Variants in STAG3 observed in about 807,000 individuals in gnomAD.
STAG3 encodes cohesin subunit SA-3.
Under a neutral mutation model 160.7 loss-of-function variants are expected in STAG3, and 101 were observed. The ratio of observed to expected loss-of-function variants is 0.63; its 90% CI spans 0.54 to 0.74. The LOEUF (loss-of-function observed/expected upper bound fraction) is 0.74, where lower values mean the gene tolerates loss of function less well. STAG3 is among the 30% of genes least tolerant of loss of function. STAG3 has a pLI of 0.00. For missense variants in STAG3, 1,188 were observed against 1,517.4 expected, an observed-to-expected ratio of 0.78 and a Z score of 3.61; for synonymous variants, 519 against 585.0, an observed-to-expected ratio of 0.89 and a Z score of 1.63.
chr7:100,198,630 C>A, intron 13 of STAG3, 48 bp downstream of exon 13: 1 of 1,557,540 alleles, frequency 6.4e-7, no homozygotes, highest in South Asian at 1.1e-5. Flanking sequence ...CTCTCGGTTT[C>A]TCTCCTCCAT....
intron 1 of STAG3, among the ~76,000 whole-genome samples, chr7:100,179,324 G>A (rs1207267253): frequency 6.7e-6 from 1 of 149,702 alleles, no homozygotes; most frequent in Non-Finnish European, 1.5e-5. Flanking sequence ...CTGGGCTCAA[G>A]CAGTCCTCCT....
chr7:100,215,210 T>G (rs1440172557), downstream of STAG3: 1 of 152,236 alleles, frequency 6.6e-6, no homozygotes, highest in Non-Finnish European at 1.5e-5. Flanking sequence ...GGCACCTGCT[T>G]TAGTGACAGG....
chr7:100,189,894 G>A (rs1167185738), intron 8 of STAG3, among the ~76,000 whole-genome samples: 2 of 151,888 alleles, frequency 1.3e-5, no homozygotes, highest in East Asian at 3.8e-4. Context: ...CTGTCATGCA[G>A]GGAATTAAGT....
intron 29 of STAG3, among the ~76,000 whole-genome samples, chr7:100,205,618 T>A (rs1584754731): frequency 6.6e-6 from 1 of 151,984 alleles, no homozygotes; most frequent in Non-Finnish European, 1.5e-5. Flanking sequence ...GCTCACGAGG[T>A]CAGGTGTTCG....
chr7:100,211,226 T>C (rs1802168747), intron 30 of STAG3, 41 bp downstream of exon 30: 1 of 1,535,068 alleles, frequency 6.5e-7, no homozygotes, highest in Non-Finnish European at 8.7e-7. Flanking sequence ...AGTTCCCAGT[T>C]TGGTGTCTGG....
intron 17 of STAG3, 30 bp downstream of exon 17, chr7:100,200,358 C>T: frequency 6.2e-7 from 1 of 1,613,076 alleles, no homozygotes; most frequent in East Asian, 2.2e-5. Context: ...CTGCATCACA[C>T]CAAGAGAAGT....
In STAG3 at chr7:100,200,288, C is replaced by T. The variant is rs1219111448; in HGVS notation, c.1730C>T (p.Thr577Ile). The T allele has an allele frequency of 4.3e-6, 7 of 1,613,718 alleles. No individual in the cohort carries two copies. The highest frequency in any genetic ancestry group is 5.1e-6 in the Non-Finnish European group (6 of 1,179,970). ...CAAGCCGATGACAGGGTGAAGTTGA[C>T]TGAGCACCTCATCCCCCTGCTGCCC... ...KTQADDRVKL[T>I]EHLIPLLPQL... The change falls in exon 17 of 34, where the codon ACT becomes ATT. Residue 577 changes from threonine (T) to isoleucine (I), a missense_variant. Transcript: ENST00000615138.
At chr7:100,188,761 T>G (rs1217520835) in intron 6 of STAG3, 51 bp from the exon 7 acceptor site, 1 of 1,588,724 alleles carries the variant, frequency 6.3e-7, no homozygotes, top group Admixed American at 1.7e-5. Context: ...CCCCTATGAC[T>G]TCATGGACCT....
Position 100,197,895 on chromosome 7 carries a change from C to A in STAG3, c.1164+19C>A. 6.2e-7 allele frequency: 1 copy of A among 1,605,824 alleles called. No homozygotes were observed. The highest frequency in any genetic ancestry group is 2.2e-5 in the East Asian group (1 of 44,838). On this transcript the variant is annotated intron_variant, in intron 11 of 33. Transcript: ENST00000615138. Reference sequence around the variant, plus strand: ...CTTCAAGGTAAAATGGGTGGTGCTCCATGGCTTGGCTCTTTGTCGTGGTTC... The same window carrying A: ...CTTCAAGGTAAAATGGGTGGTGCTCAATGGCTTGGCTCTTTGTCGTGGTTC...
At chr7:100,184,462 AG>A (rs879589006) in intron 4 of STAG3, among the ~76,000 whole-genome samples, 2 of 86,594 alleles carry the variant, frequency 2.3e-5, no homozygotes, top group Non-Finnish European at 4.5e-5. Context: ...ACAGCGTGTT[AG>A]TTTTTTTTTT....
intron 7 of STAG3, among the ~76,000 whole-genome samples, 195 bp from the exon 8 acceptor site, chr7:100,189,250 C>T (rs1169586094): frequency 6.6e-6 from 1 of 152,146 alleles, no homozygotes; most frequent in Admixed American, 6.5e-5. Context: ...TAGGGGTATG[C>T]TGATGGTTAA....
At chr7:100,188,765 T>G in intron 6 of STAG3, 47 bp from the exon 7 acceptor site, 5 of 1,594,784 alleles carry the variant, frequency 3.1e-6, no homozygotes, top group Non-Finnish European at 3.4e-6. Flanking sequence ...TATGACTTCA[T>G]GGACCTGGTA....
In STAG3 at chr7:100,198,947, T is replaced by C; in HGVS notation, c.1457T>C (p.Val486Ala). 1 of 1,612,006 alleles carries C rather than the reference T, an allele frequency of 6.2e-7. No individual in the cohort carries two copies. Among genetic ancestry groups the C allele is most frequent in the Non-Finnish European group, 8.5e-7 (1 of 1,179,870 alleles). The part of the protein sequence containing the change: ...TFFQLLLSFF[V>A]ESELHDHAAY... ...TTCCAGCTTCTGCTGTCCTTCTTTG[T>C]GGAGAGCGAGGTGACATACACAGAG... Residue 486 changes from valine to alanine, a missense_variant, in exon 14 of 34, where the codon GTG (valine) becomes GCG (alanine). This residue lies in a region of STAG3 where 240 missense variants were observed against 358.1 expected (regional missense o/e 0.67). Coordinates refer to ENST00000615138, the MANE Select transcript of STAG3 (RefSeq NM_001282717.2).
rs547481881 is a variant in STAG3, at chr7:100,179,554, A to T, written c.-64-939A>T. Among the ~76,000 whole-genome samples the T allele has an allele frequency of 1.4e-3, 207 of 151,338 alleles. 1 individual carries two copies. Among genetic ancestry groups the T allele is most frequent in the African/African-American group, 4.9e-3 (203 of 41,198 alleles). ...ATTTTTTTTTTTAAAGAAAATACCT[A>T]TGAGTTAAATTTCCTTGCAGTAGGC... is the stretch of plus-strand genomic sequence containing the variant. On this transcript the variant is annotated intron_variant, in intron 1 of 33. Coordinates refer to ENST00000615138, the MANE Select transcript of STAG3 (RefSeq NM_001282717.2).
intron 7 of STAG3, among the ~76,000 whole-genome samples, 170 bp from the exon 8 acceptor site, chr7:100,189,275 G>C (rs188419285): frequency 1.3e-5 from 2 of 152,248 alleles, no homozygotes; most frequent in East Asian, 1.9e-4. Flanking sequence ...AGACCACAAG[G>C]GTTCGAGGGA....
chr7:100,209,728 G>A (rs991737590), intron 29 of STAG3, among the ~76,000 whole-genome samples: 2 of 152,154 alleles, frequency 1.3e-5, no homozygotes, highest in African/African-American at 2.4e-5. Flanking sequence ...GCCGAGAAAC[G>A]GCCAGATTCT....
chr7:100,214,252 T>G lies in STAG3; in HGVS notation c.*237T>G, dbSNP rs1476965046. On this transcript the variant is annotated 3_prime_UTR_variant, in exon 34 of 34. Transcript: ENST00000615138. Reference sequence around the variant, plus strand: ...CAGTCCCCTTGCCTTTTTCCTGTTCTGTTTGGAGTGGAGAAGGGCAGCACC... The same window carrying G: ...CAGTCCCCTTGCCTTTTTCCTGTTCGGTTTGGAGTGGAGAAGGGCAGCACC... 1.6e-5 allele frequency: 9 copies of G among 574,432 alleles called. No individual in the cohort carries two copies. The East Asian group carries it at 2.3e-4, about 15-fold the overall frequency. 35.6% of individuals were successfully genotyped at this position (574,432 alleles called of 1,614,324 possible).
At chr7:100,204,172 C>G (rs776947425) in intron 26 of STAG3, 50 bp downstream of exon 26, 5 of 1,439,120 alleles carry the variant, frequency 3.5e-6, no homozygotes, top group Non-Finnish European at 4.9e-6. Flanking sequence ...CCCCAAGTCT[C>G]TGTCTACCCT....
chr7:100,213,677 T>G, intron 32 of STAG3, 58 bp from the exon 33 acceptor site: 2 of 1,612,820 alleles, frequency 1.2e-6, no homozygotes, highest in Non-Finnish European at 1.7e-6. Flanking sequence ...GTTTTTTTAT[T>G]TGCGAAGTGA....
Sources: allele counts gnomAD v4.1 joint callset (sites outside exome capture counted in the v4.1 genomes callset), GRCh38; gene constraint gnomAD v4.1.1; regional missense constraint gnomAD v4.1.1; transcripts MANE v1.5; gene names NCBI Gene and HGNC (gene_info 2026-07-23, HGNC 2026-07-21).